The following SORCS3 variants were observed in gnomAD, a reference collection of about 807,000 sequenced individuals.
SORCS3 encodes the protein VPS10 domain-containing receptor SorCS3.
SORCS3 carries 57 observed loss-of-function variants against 146.3 expected under a neutral mutation model. The observed-to-expected ratio is 0.39, with a 90% CI of 0.31 to 0.49. The LOEUF (loss-of-function observed/expected upper bound fraction) is 0.49. Among genes scored for constraint, SORCS3 ranks in the 20% least tolerant of loss-of-function variants. The pLI is 0.92. For missense variants in SORCS3, 1,341 were observed against 1,575.5 expected, an observed-to-expected ratio of 0.85 and a Z score of 2.52; for synonymous variants, 653 against 618.5, an observed-to-expected ratio of 1.06 and a Z score of -0.83.
chr10:105,127,433 TA>T (rs1564761575), intron 7 of SORCS3, among the ~76,000 whole-genome samples: 1 of 152,104 alleles, frequency 6.6e-6, no homozygotes, highest in South Asian at 2.1e-4. Context: ...AGCTTGGCTT[TA>T]AGTCTTACCT....
chr10:104,902,318 T>TA (rs2018859944), intron 2 of SORCS3, among the ~76,000 whole-genome samples: 1 of 152,188 alleles, frequency 6.6e-6, no homozygotes, highest in Non-Finnish European at 1.5e-5. Flanking sequence ...AGTTGAGCAC[T>TA]CCCTTTACCC....
At chr10:105,116,596 ACAG>A in intron 7 of SORCS3, among the ~76,000 whole-genome samples, 1 of 152,268 alleles carries the variant, frequency 6.6e-6, no homozygotes, top group South Asian at 2.1e-4. Flanking sequence ...TGTGTTCATC[ACAG>A]CTTTGTTCAC....
chr10:105,212,522 G>A (rs553766944), intron 17 of SORCS3, among the ~76,000 whole-genome samples: 4 of 152,312 alleles, frequency 2.6e-5, no homozygotes, highest in African/African-American at 9.6e-5. Context: ...TTGAATTAAA[G>A]CATTTCATAG....
intron 1 of SORCS3, among the ~76,000 whole-genome samples, chr10:104,687,558 G>A (rs1037896055): frequency 6.6e-6 from 1 of 152,178 alleles, no homozygotes; most frequent in African/African-American, 2.4e-5. Context: ...TTTGTGCACT[G>A]GGGGTAGGGG....
intron 6 of SORCS3, among the ~76,000 whole-genome samples, chr10:105,097,328 C>A (rs747881827): frequency 6.6e-6 from 1 of 152,224 alleles, no homozygotes; most frequent in East Asian, 1.9e-4. Flanking sequence ...AACAACTGTG[C>A]GAATAATCCT....
At chr10:104,918,877 T>C (rs1054881624) in intron 3 of SORCS3, among the ~76,000 whole-genome samples, 2 of 152,262 alleles carry the variant, frequency 1.3e-5, no homozygotes, top group Admixed American at 1.3e-4. Context: ...TTTTCCTAAG[T>C]GGCTCGTGAA....
intron 2 of SORCS3, among the ~76,000 whole-genome samples, chr10:104,893,130 C>G (rs1359878160): frequency 6.6e-6 from 1 of 152,188 alleles, no homozygotes; most frequent in African/African-American, 2.4e-5. Context: ...CACACTAGTT[C>G]ATTGTCTACC....
At chr10:105,039,446 GCT>G (rs2055325343) in intron 4 of SORCS3, among the ~76,000 whole-genome samples, 1 of 145,198 alleles carries the variant, frequency 6.9e-6, no homozygotes, top group Non-Finnish European at 1.5e-5. Context: ...TGGCTCTCTC[GCT>G]CTCTTTTTTT....
rs546274969 is a variant in SORCS3 at position 105,004,184 on chromosome 10, C to G, written c.954+26691C>G. ...TGACAGCATGGACTATGTAGGAAGC[C>G]TGGCGGGGTTGGGGCCAGAGCAGGA... On this transcript the variant is annotated intron_variant, in intron 4 of 26. Coordinates refer to ENST00000369701, the MANE Select transcript of SORCS3 (RefSeq NM_014978.3). 3.3e-5 allele frequency among the ~76,000 whole-genome samples: 5 copies of G among 152,250 alleles called. No homozygotes were observed. The East Asian group carries it at 7.7e-4, about 24-fold the overall frequency.
intron 3 of SORCS3, among the ~76,000 whole-genome samples, chr10:104,964,238 G>T (rs917786615): frequency 2.0e-5 from 3 of 152,244 alleles, no homozygotes; most frequent in East Asian, 1.9e-4. Flanking sequence ...CAATGCCTGG[G>T]TCTGCGTTTC....
chr10:104,826,067 T>G (rs1478722268), intron 1 of SORCS3, among the ~76,000 whole-genome samples: 2 of 152,188 alleles, frequency 1.3e-5, no homozygotes, highest in Non-Finnish European at 2.9e-5. Flanking sequence ...CCCCTTGGAA[T>G]AGAGAACCCT....
chr10:104,670,460 A>C (rs997307965), intron 1 of SORCS3, among the ~76,000 whole-genome samples: 1 of 152,088 alleles, frequency 6.6e-6, no homozygotes, highest in African/African-American at 2.4e-5. Flanking sequence ...TTCCCCATTG[A>C]ATTGTCTTTG....
At chr10:104,845,878 C>T (rs893311436) in intron 2 of SORCS3, among the ~76,000 whole-genome samples, 6 of 152,042 alleles carry the variant, frequency 3.9e-5, no homozygotes, top group South Asian at 2.1e-4. Context: ...GGCTGGTCTG[C>T]GGAAGAGAAT....
intron 5 of SORCS3, among the ~76,000 whole-genome samples, chr10:105,062,694 G>GCCCCATTATA (rs2055495906): frequency 6.6e-6 from 1 of 152,164 alleles, no homozygotes; most frequent in South Asian, 2.1e-4. Flanking sequence ...GCAAGGGCTA[G>GCCCCATTATA]CCCCATTATA....
chr10:104,749,461 C>T (rs2016958469), intron 1 of SORCS3, among the ~76,000 whole-genome samples: 1 of 151,950 alleles, frequency 6.6e-6, no homozygotes, highest in Non-Finnish European at 1.5e-5. Flanking sequence ...ATCTTTGGCT[C>T]AAGTGTTCAA....
intron 3 of SORCS3, among the ~76,000 whole-genome samples, chr10:104,931,245 G>A (rs2019204819): frequency 6.6e-6 from 1 of 152,194 alleles, no homozygotes; most frequent in Non-Finnish European, 1.5e-5. Flanking sequence ...CAGGTGTCTG[G>A]CTTCAAGCCC....
chr10:104,867,896 A>C (rs1224832935), intron 2 of SORCS3, among the ~76,000 whole-genome samples: 1 of 152,196 alleles, frequency 6.6e-6, no homozygotes, highest in East Asian at 1.9e-4. Context: ...ATCAATGTTA[A>C]AGACCCTTTT....
intron 3 of SORCS3, among the ~76,000 whole-genome samples, chr10:104,940,238 A>ATATATTTTTT (rs1435205868): frequency 6.3e-5 from 2 of 31,516 alleles, no homozygotes; most frequent in Admixed American, 4.1e-4. Flanking sequence ...ATATATATAT[A>ATATATTTTTT]TTTTTTTTTT....
At chr10:104,864,766 C>T (rs2018442434) in intron 2 of SORCS3, among the ~76,000 whole-genome samples, 1 of 152,160 alleles carries the variant, frequency 6.6e-6, no homozygotes, top group South Asian at 2.1e-4. Flanking sequence ...TGAGATACTG[C>T]AAGAGGACCC....
Sources: allele counts gnomAD v4.1 joint callset (sites outside exome capture counted in the v4.1 genomes callset), GRCh38; gene constraint gnomAD v4.1.1; transcripts MANE v1.5; gene names NCBI Gene and HGNC (gene_info 2026-07-23, HGNC 2026-07-21).